Variants in ITPK1 observed in about 807,000 individuals in gnomAD.
ITPK1 encodes inositol-tetrakisphosphate 1-kinase.
ITPK1 carries 21 observed loss-of-function variants against 45.3 expected under a neutral mutation model. The observed-to-expected ratio is 0.46, with a 90% CI of 0.33 to 0.67. ITPK1 has a LOEUF of 0.67. Ranked by LOEUF, ITPK1 falls within the 30% of genes least tolerant of loss-of-function variation. The pLI, the probability that ITPK1 is intolerant of heterozygous loss-of-function variation, is 0.02. For synonymous variants in ITPK1, 258 were observed against 253.6 expected, an observed-to-expected ratio of 1.02 and a Z score of -0.16; for missense variants, 474 against 573.5, an observed-to-expected ratio of 0.83 and a Z score of 1.77.
chr14:93,046,439 T>C (rs1317072421), intron 3 of ITPK1, among the ~76,000 whole-genome samples: 6 of 152,198 alleles, frequency 3.9e-5, no homozygotes, highest in Admixed American at 3.9e-4. Flanking sequence ...AAGGCAACTA[T>C]GAACCATGTT....
chr14:92,946,456 T>G lies in ITPK1; in HGVS notation c.776A>C (p.Asp259Ala). Residue 259 changes from aspartate to alanine, a missense_variant, in exon 10 of 11, where the codon GAC (aspartate) becomes GCC (alanine). Asp to Ala is a moderately radical substitution (Grantham distance 126). This residue lies in a region of ITPK1 where 367 missense variants were observed against 480.6 expected (regional missense o/e 0.76). Transcript: ENST00000267615. ...CCGGGAGAGCTCCCGGATGACCTCG[T>G]CGCTCGGCCGCTCGAACACGCCCTC... ...KIEGVFERPS[D>A]EVIRELSRAL... The G allele has an allele frequency of 6.2e-7, 1 of 1,612,910 alleles. No homozygotes were observed. The highest frequency in any genetic ancestry group is 8.5e-7 in the Non-Finnish European group (1 of 1,179,918).
At chr14:92,970,799 AT>A (rs1885608521) in intron 5 of ITPK1, among the ~76,000 whole-genome samples, 1 of 151,920 alleles carries the variant, frequency 6.6e-6, no homozygotes, top group African/African-American at 2.4e-5. Flanking sequence ...TGTCTGGCTA[AT>A]TTTTTCATAT....
At chr14:93,066,296 G>A (rs1890740929) in intron 3 of ITPK1, 1 of 454,352 alleles carries the variant, frequency 2.2e-6, no homozygotes, top group Non-Finnish European at 4.4e-6. Context: ...GCGTGCGTGT[G>A]TGCGCGTGCA....
intron 3 of ITPK1, among the ~76,000 whole-genome samples, chr14:93,037,153 C>G (rs114711038): frequency 0.031 from 4,734 of 152,250 alleles, 230 homozygotes; most frequent in African/African-American, 0.11. Flanking sequence ...ACACAGGAAG[C>G]CCCGGAACCA....
chr14:93,104,925 A>G (rs2140029538), intron 2 of ITPK1, among the ~76,000 whole-genome samples: 1 of 152,312 alleles, frequency 6.6e-6, no homozygotes, highest in Non-Finnish European at 1.5e-5. Context: ...TTTGCAGCGT[A>G]AACTGCTGAG....
At chr14:92,991,513 C>T (rs1886787940) in intron 5 of ITPK1, among the ~76,000 whole-genome samples, 1 of 152,176 alleles carries the variant, frequency 6.6e-6, no homozygotes, top group South Asian at 2.1e-4. Flanking sequence ...TCTCCTGGAA[C>T]ACCCACAGCT....
intron 4 of ITPK1, among the ~76,000 whole-genome samples, chr14:93,009,465 CAT>C (rs1485269237): frequency 6.6e-6 from 1 of 152,206 alleles, no homozygotes; most frequent in Non-Finnish European, 1.5e-5. Flanking sequence ...AAGAGGGCCA[CAT>C]GTCTTCCTGG....
chr14:92,952,161 C>A, intron 8 of ITPK1, 148 bp from the exon 9 acceptor site: 1 of 671,150 alleles, frequency 1.5e-6, no homozygotes, highest in South Asian at 1.7e-5. Context: ...AAGCTGGGCA[C>A]CAGCCCTGGG....
At chr14:93,100,607 G>A (rs1300635028) in intron 2 of ITPK1, among the ~76,000 whole-genome samples, 1 of 151,864 alleles carries the variant, frequency 6.6e-6, no homozygotes, top group African/African-American at 2.4e-5. Flanking sequence ...CTATTGGACT[G>A]TCGCCTGAGT....
chr14:92,952,865 G>A (rs1234576245), intron 8 of ITPK1, among the ~76,000 whole-genome samples: 1 of 152,382 alleles, frequency 6.6e-6, no homozygotes, highest in East Asian at 1.9e-4. Context: ...GCATTGGCAC[G>A]CAAATGCAAG....
At chr14:92,967,152 AC>A (rs1690910246) in intron 5 of ITPK1, among the ~76,000 whole-genome samples, 1 of 152,220 alleles carries the variant, frequency 6.6e-6, no homozygotes, top group African/African-American at 2.4e-5. Flanking sequence ...CATAAAGACA[AC>A]CCACAGAATG....
In ITPK1 at chr14:92,940,892, T is replaced by C. The variant is rs1393513267; in HGVS notation, c.*669A>G. The stretch of plus-strand genomic sequence containing the variant: ...TGTGCAGGGCTAAATGGGACGTGTG[T>C]TGGGGGGCCCAGAGGACGCCCAGCT... On this transcript the variant is annotated 3_prime_UTR_variant, in exon 11 of 11. Transcript: ENST00000267615. The C allele has an allele frequency of 2.3e-6, 3 of 1,288,430 alleles. No homozygotes were observed. Among genetic ancestry groups the C allele is most frequent in the Non-Finnish European group, 3.0e-6 (3 of 988,792 alleles). 79.8% of individuals were successfully genotyped at this position (1,288,430 alleles called of 1,614,324 possible).
In ITPK1 at chr14:92,940,142, A is replaced by G; in HGVS notation, c.*1419T>C. ...AGCTGAGCCAGGCCGAAGGACCTCC[A>G]TGCACTGGCTCGGGGGCCTCTCTCG... On this transcript the variant is annotated 3_prime_UTR_variant, in exon 11 of 11. Coordinates refer to ENST00000267615, the MANE Select transcript of ITPK1 (RefSeq NM_014216.6). 1.3e-5 allele frequency: 13 copies of G among 985,818 alleles called. No individual in the cohort carries two copies. The highest frequency in any genetic ancestry group is 1.6e-5 in the Non-Finnish European group (13 of 830,096). 61.1% of individuals were successfully genotyped at this position (985,818 alleles called of 1,614,324 possible). A position where few individuals can be genotyped will look rare whatever the true frequency, so the allele number is the denominator to read the frequency against.
At chr14:93,062,344 T>G (rs1462003725) in intron 3 of ITPK1, among the ~76,000 whole-genome samples, 1 of 152,026 alleles carries the variant, frequency 6.6e-6, no homozygotes, top group East Asian at 1.9e-4. Context: ...GTGGGAGGAT[T>G]GCTTGAGCCC....
At chr14:92,951,806 G>A (rs1566690805) in intron 9 of ITPK1, 140 bp downstream of exon 9, 1 of 667,268 alleles carries the variant, frequency 1.5e-6, no homozygotes, top group Admixed American at 2.5e-5. Flanking sequence ...AACCTCCTGG[G>A]GCCTGTGGCA....
chr14:92,962,502 G>A (rs1885129806), intron 6 of ITPK1, 107 bp from the exon 7 acceptor site: 2 of 827,274 alleles, frequency 2.4e-6, no homozygotes, highest in Admixed American at 1.9e-5. Context: ...CACAGACTCT[G>A]GACACCTGGT....
intron 3 of ITPK1, among the ~76,000 whole-genome samples, chr14:93,044,992 G>A (rs1388880296): frequency 1.3e-5 from 2 of 152,258 alleles, no homozygotes; most frequent in African/African-American, 2.4e-5. Flanking sequence ...AGATCAGGAA[G>A]AAAGGGGCAT....
chr14:92,993,929 G>A lies in ITPK1; in HGVS notation c.315C>T (p.Asp105=), dbSNP rs1431690577. The change falls in exon 5 of 11, where the codon GAC becomes GAT. Residue 105 remains aspartate, a synonymous_variant. Coordinates refer to ENST00000267615, the MANE Select transcript of ITPK1 (RefSeq NM_014216.6). ...GGATGAGCTCATAGGACTTGGAGCG[G>A]TCAAGCAGGGTTCTGATGGCAGGGA... ...DPLPAIRTLL[D]RSKSYELIRK... is the part of the protein sequence containing the mutation. 1 of 1,613,982 alleles carries A rather than the reference G, an allele frequency of 6.2e-7. No homozygotes were observed.
At chr14:93,053,418 C>A (rs1287423160) in intron 3 of ITPK1, among the ~76,000 whole-genome samples, 3 of 152,228 alleles carry the variant, frequency 2.0e-5, no homozygotes, top group African/African-American at 7.2e-5. Flanking sequence ...CTCATGACAG[C>A]CAGTGCTCAA....
Sources: gnomAD v4.1 joint callset for allele counts (sites outside exome capture counted in the v4.1 genomes callset) on GRCh38, gnomAD v4.1.1 for gene constraint, gnomAD v4.1.1 regional missense constraint, MANE v1.5 for transcripts, NCBI Gene and HGNC (gene_info 2026-07-23, HGNC 2026-07-21) for gene names.